Variants in GRID2 observed in about 807,000 individuals in gnomAD.
GRID2 encodes the protein glutamate receptor ionotropic, delta-2.
A neutral mutation model predicts 114.8 loss-of-function variants in GRID2; 33 were observed. The ratio of observed to expected loss-of-function variants is 0.29; its 90% CI spans 0.22 to 0.38. The LOEUF (loss-of-function observed/expected upper bound fraction) is 0.38. Among genes scored for constraint, GRID2 ranks in the 10% least tolerant of loss-of-function variants. The pLI, the probability that GRID2 is intolerant of heterozygous loss-of-function variation, is 1.00. For synonymous variants in GRID2, 505 were observed against 449.9 expected (o/e 1.12, Z -1.55); for missense variants, 1,184 against 1,257.7 (o/e 0.94, Z 0.89).
intron 1 of GRID2, among the ~76,000 whole-genome samples, chr4:92,443,366 G>A (rs1376762263): frequency 6.6e-6 from 1 of 152,096 alleles, no homozygotes; most frequent in African/African-American, 2.4e-5. Context: ...TCAGGTGTGA[G>A]TTGAATTGGT....
rs1191317080 is a variant in GRID2, at chr4:92,472,213, GT to G, written c.89-117917del. Reference sequence around the variant, plus strand: ...CTCCCAAAGTGCTGGGATTACAGGCGTGAGCCACCGCGCCCGGCCGTTATCC... The same window carrying G: ...CTCCCAAAGTGCTGGGATTACAGGCGGAGCCACCGCGCCCGGCCGTTATCC... On this transcript the variant is annotated intron_variant, in intron 1 of 15. Coordinates refer to ENST00000282020, the MANE Select transcript of GRID2 (RefSeq NM_001510.4). Among the ~76,000 whole-genome samples the G allele has an allele frequency of 4.0e-5, 6 of 151,112 alleles. 1 individual carries two copies. Among genetic ancestry groups the G allele is most frequent in the Admixed American group, 6.6e-5 (1 of 15,170 alleles).
At chr4:93,727,386 G>T (rs1465711039) in intron 14 of GRID2, among the ~76,000 whole-genome samples, 1 of 152,124 alleles carries the variant, frequency 6.6e-6, no homozygotes, top group African/African-American at 2.4e-5. Flanking sequence ...GATTCGGTTT[G>T]CCAGTATTTT....
chr4:93,221,479 G>T (rs914281796), intron 6 of GRID2, among the ~76,000 whole-genome samples: 1 of 152,078 alleles, frequency 6.6e-6, no homozygotes, highest in Non-Finnish European at 1.5e-5. Flanking sequence ...TGGAGTCTAT[G>T]ATTTTAGAGG....
intron 2 of GRID2, among the ~76,000 whole-genome samples, chr4:93,031,625 G>A (rs535122645): frequency 6.6e-6 from 1 of 152,116 alleles, no homozygotes; most frequent in African/African-American, 2.4e-5. Context: ...GTTTTATAAG[G>A]GGGAATTTCC....
At chr4:93,250,756 T>TA (rs1554017730) in intron 8 of GRID2, among the ~76,000 whole-genome samples, 310 of 146,716 alleles carry the variant, frequency 2.1e-3, no homozygotes, top group African/African-American at 7.4e-3. Context: ...ATATATATAT[T>TA]TATATATATA....
At chr4:92,529,078 A>T (rs1320404198) in intron 1 of GRID2, among the ~76,000 whole-genome samples, 1 of 152,134 alleles carries the variant, frequency 6.6e-6, no homozygotes, top group Non-Finnish European at 1.5e-5. Flanking sequence ...GAATGCCAGA[A>T]ACCAACGCTG....
chr4:93,050,509 GGTGTGTGTGTGTGTGTGTGT>G (rs70942946), intron 2 of GRID2, among the ~76,000 whole-genome samples: 29 of 144,122 alleles, frequency 2.0e-4, no homozygotes, highest in South Asian at 1.6e-3. Flanking sequence ...AATAATACCT[GGTGTGTGTGTGTGTGTGTGT>G]GTGTGTGTGT....
chr4:93,023,271 A>T (rs1351200395), intron 2 of GRID2, among the ~76,000 whole-genome samples: 1 of 151,930 alleles, frequency 6.6e-6, no homozygotes, highest in Non-Finnish European at 1.5e-5. Context: ...TGTATGTATG[A>T]TAGAATTTCT....
chr4:92,975,592 C>T (rs752197588), intron 2 of GRID2, among the ~76,000 whole-genome samples: 8 of 152,112 alleles, frequency 5.3e-5, no homozygotes, highest in Non-Finnish European at 1.0e-4. Context: ...TGTCACCTCA[C>T]TTTTTCTTTT....
chr4:93,524,679 T>C (rs1201955986), intron 13 of GRID2, among the ~76,000 whole-genome samples: 5 of 151,176 alleles, frequency 3.3e-5, no homozygotes, highest in Non-Finnish European at 7.4e-5. Context: ...CCAGGAATTT[T>C]ACATAAGTTA....
At chr4:93,159,746 C>A (rs1351772634) in intron 4 of GRID2, among the ~76,000 whole-genome samples, 2 of 109,640 alleles carry the variant, frequency 1.8e-5, no homozygotes, top group African/African-American at 7.1e-5. Flanking sequence ...AGATTAAGTT[C>A]TTAGCAAAGA....
chr4:93,130,626 C>A (rs2149374664), intron 4 of GRID2, among the ~76,000 whole-genome samples: 1 of 152,234 alleles, frequency 6.6e-6, no homozygotes, highest in South Asian at 2.1e-4. Flanking sequence ...TGGACGGATA[C>A]CTTTGTGAAT....
intron 2 of GRID2, among the ~76,000 whole-genome samples, chr4:92,590,576 T>C (rs1407291624): frequency 1.3e-5 from 2 of 152,170 alleles, no homozygotes; most frequent in Non-Finnish European, 2.9e-5. Flanking sequence ...GAAACATCTT[T>C]TTAAAATAGT....
intron 13 of GRID2, among the ~76,000 whole-genome samples, chr4:93,553,130 T>C (rs921295139): frequency 6.6e-6 from 1 of 152,168 alleles, no homozygotes; most frequent in Non-Finnish European, 1.5e-5. Context: ...TGATTTATAA[T>C]CCTTAGGGTA....
chr4:92,322,048 T>G (rs2110128460), intron 1 of GRID2, among the ~76,000 whole-genome samples: 1 of 152,286 alleles, frequency 6.6e-6, no homozygotes, highest in African/African-American at 2.4e-5. Context: ...GTACTGCTAA[T>G]CAGGGTCCTA....
chr4:93,787,751 A>G (rs1055860497), intron 1 of GRID2, among the ~76,000 whole-genome samples: 1 of 152,168 alleles, frequency 6.6e-6, no homozygotes, highest in African/African-American at 2.4e-5. Context: ...TTGTTGAATT[A>G]TTGAATGGAA....
intron 8 of GRID2, among the ~76,000 whole-genome samples, chr4:93,309,626 G>GT (rs1281406691): frequency 6.6e-6 from 1 of 151,974 alleles, no homozygotes; most frequent in Non-Finnish European, 1.5e-5. Flanking sequence ...GAATCCTGAG[G>GT]TTTTATACTT....
Position 93,191,682 on chromosome 4 carries a change from G to A in GRID2, c.736-15722G>A, listed in dbSNP as rs1055444936. ...TTTATTTTTCTTTTTGTCACATCAA[G>A]ATTTGTCTAATTCTCTCCCATGTGT... On this transcript the variant is annotated intron_variant, in intron 4 of 15. Coordinates refer to ENST00000282020, the MANE Select transcript of GRID2 (RefSeq NM_001510.4). Among the ~76,000 whole-genome samples, 19 of 151,878 alleles carry A rather than the reference G, an allele frequency of 1.3e-4. 1 individual carries two copies. The highest frequency in any genetic ancestry group is 1.2e-3 in the Admixed American group (19 of 15,234).
intron 14 of GRID2, among the ~76,000 whole-genome samples, chr4:93,687,688 G>A (rs908442029): frequency 9.2e-5 from 14 of 151,810 alleles, no homozygotes; most frequent in African/African-American, 3.4e-4. Context: ...AAAATAGTGA[G>A]GATAAAAATC....
Sources: gnomAD v4.1 joint callset for allele counts (sites outside exome capture counted in the v4.1 genomes callset) on GRCh38, gnomAD v4.1.1 for gene constraint, MANE v1.5 for transcripts, NCBI Gene and HGNC (gene_info 2026-07-23, HGNC 2026-07-21) for gene names.